ANXA4: variants seen among roughly 807,000 people sequenced by gnomAD.
ANXA4 encodes 35-beta calcimedin.
A neutral mutation model predicts 49.8 loss-of-function variants in ANXA4; 39 were observed. The observed-to-expected ratio is 0.78, with a 90% confidence interval of 0.61 to 1.02. The LOEUF (loss-of-function observed/expected upper bound fraction) is 1.02. Among genes scored for constraint, ANXA4 ranks in the 50% least tolerant of loss-of-function variants. ANXA4 has a pLI of 0.00. For missense variants in ANXA4, 360 were observed against 410.1 expected (o/e 0.88, Z 1.05); for synonymous variants, 134 against 152.5 (o/e 0.88, Z 0.89).
At chr2:69,777,450 G>A (rs776045778) in intron 1 of ANXA4, among the ~76,000 whole-genome samples, 4 of 152,124 alleles carry the variant, frequency 2.6e-5, no homozygotes, top group Admixed American at 6.5e-5. Context: ...ACTCAGGTGC[G>A]GTTAACCGGG....
At chr2:69,760,127 C>T (rs957656382) in intron 1 of ANXA4, among the ~76,000 whole-genome samples, 9 of 152,156 alleles carry the variant, frequency 5.9e-5, no homozygotes, top group Non-Finnish European at 8.8e-5. Flanking sequence ...CCACCACGCC[C>T]GGCCTGTTTT....
At chr2:69,696,498 CTGTTGA>C (rs1387182556) in intron 2 of ANXA4, among the ~76,000 whole-genome samples, 2 of 152,210 alleles carry the variant, frequency 1.3e-5, no homozygotes, top group African/African-American at 2.4e-5. Context: ...CCTCCAAACT[CTGTTGA>C]TGTTGATAGT....
At chr2:69,750,212 A>AT (rs11422992) in intron 1 of ANXA4, among the ~76,000 whole-genome samples, 95,488 of 152,032 alleles carry the variant, frequency 0.63, 32,098 homozygotes, top group African/African-American at 0.87. Context: ...TAATTATCAG[A>AT]TTTCCAACCT....
At chr2:69,652,811 A>G (rs1676300990) in intron 1 of ANXA4, among the ~76,000 whole-genome samples, 1 of 152,170 alleles carries the variant, frequency 6.6e-6, no homozygotes, top group Non-Finnish European at 1.5e-5. Context: ...GTGAACCCAG[A>G]CAGTGCCACT....
At chr2:69,720,639 G>A (rs563791757) in intron 2 of ANXA4, 1 of 152,320 alleles carries the variant, frequency 6.6e-6, no homozygotes, top group South Asian at 2.1e-4. Flanking sequence ...TGCAATATGG[G>A]AAATTGACCA....
chr2:69,677,259 C>A (rs1449710702), intron 2 of ANXA4, among the ~76,000 whole-genome samples: 1 of 152,102 alleles, frequency 6.6e-6, no homozygotes, highest in African/African-American at 2.4e-5. Flanking sequence ...GAGACAGAGT[C>A]TCACTCTGTT....
intron 1 of ANXA4, among the ~76,000 whole-genome samples, chr2:69,648,709 A>C (rs1003631144): frequency 6.6e-6 from 1 of 151,088 alleles, no homozygotes; most frequent in Admixed American, 6.6e-5. Flanking sequence ...CTGTAATACC[A>C]GCTCGGGAGG....
At chr2:69,778,667 C>T (rs560283012) in intron 1 of ANXA4, among the ~76,000 whole-genome samples, 9 of 149,208 alleles carry the variant, frequency 6.0e-5, no homozygotes, top group African/African-American at 2.2e-4. Context: ...CCCAGCTACT[C>T]GGGAGGCTGA....
upstream of ANXA4, among the ~76,000 whole-genome samples, chr2:69,739,674 G>A (rs563162966): frequency 5.3e-5 from 8 of 151,856 alleles, no homozygotes; most frequent in Middle Eastern, 3.4e-3. Flanking sequence ...TCCTCCCACC[G>A]CGGCCTTCCA....
At chr2:69,772,200 A>G (rs1045307418) in intron 1 of ANXA4, among the ~76,000 whole-genome samples, 1 of 152,264 alleles carries the variant, frequency 6.6e-6, no homozygotes, top group African/African-American at 2.4e-5. Context: ...AAACTGAGGC[A>G]TAGTTGCTAA....
chr2:69,759,299 C>A, intron 1 of ANXA4, among the ~76,000 whole-genome samples: 1 of 151,916 alleles, frequency 6.6e-6, no homozygotes, highest in African/African-American at 2.4e-5. Context: ...GAGTAGAACA[C>A]AAAATTATAT....
chr2:69,723,454 T>C (rs1317851557), intron 3 of ANXA4, among the ~76,000 whole-genome samples: 1 of 152,150 alleles, frequency 6.6e-6, no homozygotes, highest in Admixed American at 6.6e-5. Context: ...AAGGATGTGG[T>C]GATGACCATG....
intron 2 of ANXA4, among the ~76,000 whole-genome samples, chr2:69,782,324 TA>T (rs1470255630): frequency 6.6e-6 from 1 of 152,176 alleles, no homozygotes. Context: ...GATGGGTGTG[TA>T]AAGTAAACTA....
intron 1 of ANXA4, among the ~76,000 whole-genome samples, chr2:69,778,964 G>T (rs1277332603): frequency 2.7e-5 from 4 of 150,934 alleles, no homozygotes; most frequent in Non-Finnish European, 5.9e-5. Context: ...CGGGTATGGT[G>T]ATACATGCCT....
upstream of ANXA4, among the ~76,000 whole-genome samples, chr2:69,741,070 C>T (rs895226647): frequency 1.3e-5 from 2 of 151,994 alleles, no homozygotes; most frequent in East Asian, 1.9e-4. Context: ...TCCTAAAACC[C>T]GTGCTCTAAA....
chr2:69,817,019 T>C (rs541448773), intron 9 of ANXA4: 1 of 152,348 alleles, frequency 6.6e-6, no homozygotes, highest in South Asian at 2.1e-4. Flanking sequence ...AAAAAACAGG[T>C]GATTACTCCT....
chr2:69,795,384 C>T (rs1461560739), intron 3 of ANXA4, among the ~76,000 whole-genome samples: 1 of 152,144 alleles, frequency 6.6e-6, no homozygotes, highest in Non-Finnish European at 1.5e-5. Context: ...CCATTTAGTT[C>T]CTTCAGGTAT....
chr2:69,713,901 T>C (rs1302708763), intron 2 of ANXA4: 4 of 152,214 alleles, frequency 2.6e-5, no homozygotes, highest in Non-Finnish European at 4.4e-5. Context: ...CAAATTCCAC[T>C]TGATGGAGGA....
upstream of ANXA4, among the ~76,000 whole-genome samples, chr2:69,737,410 C>A (rs966414980): frequency 6.6e-6 from 1 of 152,068 alleles, no homozygotes; most frequent in Non-Finnish European, 1.5e-5. Context: ...CCCAGATGTC[C>A]AAGGCTGGCT....
Sources: allele counts gnomAD v4.1 joint callset (sites outside exome capture counted in the v4.1 genomes callset), GRCh38; gene constraint gnomAD v4.1.1; transcripts MANE v1.5; gene names NCBI Gene and HGNC (gene_info 2026-07-23, HGNC 2026-07-21).